The following CDH26 variants were observed in gnomAD, a reference collection of about 807,000 sequenced individuals.
CDH26 encodes cadherin-like protein 26.
In CDH26, 83 loss-of-function variants were observed where a neutral mutation model predicts 90.3. The observed-to-expected ratio is 0.92, with a 90% confidence interval of 0.77 to 1.10. CDH26 has a LOEUF of 1.10. Among genes scored for constraint, CDH26 ranks in the 50% least tolerant of loss-of-function variants. The probability of loss-of-function intolerance (pLI) is 0.00; values close to 1 mark genes in which losing one functional copy is unlikely to be tolerated. For missense variants in CDH26, 1,013 were observed against 1,037.6 expected (o/e 0.98, Z 0.33); for synonymous variants, 397 against 396.3 (o/e 1.00, Z -0.02).
At chr20:59,968,007 CTTTCTTCCTTT>C (rs2061196370) in intron 1 of CDH26, among the ~76,000 whole-genome samples, 4 of 118,838 alleles carry the variant, frequency 3.4e-5, no homozygotes, top group East Asian at 4.7e-4. Flanking sequence ...TTCTTTCTTT[CTTTCTTCCTTT>C]CTCTCTGTCT....
rs776671359 is a variant in CDH26 at position 60,001,412 on chromosome 20, G to A, written c.2166+1G>A. On this transcript the variant is annotated splice_donor_variant, in intron 15 of 17. Coordinates refer to ENST00000348616, the MANE Select transcript of CDH26 (RefSeq NM_177980.4). LOFTEE classifies it high-confidence loss of function. The stretch of plus-strand genomic sequence containing the variant: ...AGCACGCTGTGCTCTGGGGAGCTGG[G>A]TGAGTTCCAGAAGGTTGCTCCCTGC... 5.0e-6 allele frequency: 8 copies of A among 1,613,658 alleles called. No homozygotes were observed. Among genetic ancestry groups the A allele is most frequent in the Non-Finnish European group, 5.9e-6 (7 of 1,179,870 alleles).
chr20:59,985,061 T>A lies in CDH26; in HGVS notation c.769T>A (p.Ser257Thr). 6.2e-7 allele frequency: 1 copy of A among 1,614,094 alleles called. No homozygotes were observed. Among genetic ancestry groups the A allele is most frequent in the Non-Finnish European group, 8.5e-7 (1 of 1,179,998 alleles). Reference sequence around the variant, plus strand: ...GGACTGTGGAGAACCGTCACTGTCATCCACGACCACCGTTCACGTGGATGT... The same window carrying A: ...GGACTGTGGAGAACCGTCACTGTCAACCACGACCACCGTTCACGTGGATGT... The part of the protein sequence containing the change: ...ARDCGEPSLS[S>T]TTTVHVDVQE... Residue 257 changes from serine to threonine, a missense_variant, in exon 7 of 18, where the codon TCC becomes ACC. Transcript: ENST00000348616.
intron 4 of CDH26, among the ~76,000 whole-genome samples, chr20:59,977,302 A>G (rs2061338421): frequency 1.3e-5 from 2 of 152,096 alleles, no homozygotes; most frequent in South Asian, 4.1e-4. Flanking sequence ...ACTGCAGAAC[A>G]GGCCTCTGCC....
chr20:60,034,952 G>C (rs1234785919), downstream of CDH26, among the ~76,000 whole-genome samples: 1 of 152,224 alleles, frequency 6.6e-6, no homozygotes, highest in African/African-American at 2.4e-5. Flanking sequence ...TCCCATCCCA[G>C]ATCTGAGCTC....
At chr20:59,978,440 AT>A (rs1282875709) in intron 4 of CDH26, among the ~76,000 whole-genome samples, 5 of 149,916 alleles carry the variant, frequency 3.3e-5, no homozygotes, top group African/African-American at 1.2e-4. Flanking sequence ...CAATGGGGTG[AT>A]CTCGGCTCAC....
In CDH26 at chr20:60,013,379, A is replaced by C. The variant is rs911951556; in HGVS notation, c.*649A>C. The C allele has an allele frequency of 7.2e-5, 11 of 152,262 alleles. No individual in the cohort carries two copies. Among genetic ancestry groups the C allele is most frequent in the African/African-American group, 2.7e-4 (11 of 41,470 alleles). 9.4% of individuals were successfully genotyped at this position (152,262 alleles called of 1,614,324 possible). A position where few individuals can be genotyped will look rare whatever the true frequency, so the allele number is the denominator to read the frequency against. The stretch of plus-strand genomic sequence containing the variant: ...CTTGTATGTATTATGTAAGTAAAAG[A>C]GTTAGGAGCCTTTGAATGAGTAAGT... On this transcript the variant is annotated 3_prime_UTR_variant, in exon 18 of 18. Coordinates refer to ENST00000348616, the MANE Select transcript of CDH26 (RefSeq NM_177980.4).
chr20:60,018,285 G>A (rs887216783), downstream of CDH26, among the ~76,000 whole-genome samples: 1 of 151,990 alleles, frequency 6.6e-6, no homozygotes, highest in Non-Finnish European at 1.5e-5. Context: ...TAGTGGTTCA[G>A]TGTTGGGTGC....
intron 4 of CDH26, among the ~76,000 whole-genome samples, chr20:59,975,575 T>C (rs2145978114): frequency 6.6e-6 from 1 of 152,242 alleles, no homozygotes; most frequent in African/African-American, 2.4e-5. Flanking sequence ...TAGGAGCATA[T>C]GAAATGGTCC....
At chr20:59,967,815 TTC>T (rs71183190) in intron 1 of CDH26, among the ~76,000 whole-genome samples, 489 of 19,840 alleles carry the variant, frequency 0.025, 1 homozygote, top group Non-Finnish European at 0.035. Context: ...CCTCCCTCAT[TTC>T]TTTCTTTCTT....
chr20:60,001,537 A>C (rs906174740), intron 15 of CDH26, 126 bp downstream of exon 15: 1 of 1,433,962 alleles, frequency 7.0e-7, no homozygotes, highest in Non-Finnish European at 9.1e-7. Context: ...AGTCAATGAA[A>C]ATCTGAGAAG....
rs780401549 is a variant in CDH26 at position 59,995,900 on chromosome 20, T to G, written c.1734T>G (p.Ile578Met). 1.2e-6 allele frequency: 2 copies of G among 1,614,248 alleles called. No homozygotes were observed. Among genetic ancestry groups the G allele is most frequent in the Non-Finnish European group, 1.7e-6 (2 of 1,180,036 alleles). The part of the protein sequence containing the change: ...PRGNYLVPLF[I>M]GDKQGLSQKQ... ...GTAATTACTTGGTGCCACTCTTCAT[T>G]GGAGACAAACAGGGACTTTCCCAGA... Residue 578 changes from isoleucine to methionine, a missense_variant, in exon 12 of 18, where the codon ATT becomes ATG. Ile to Met is a conservative substitution (Grantham distance 10). Coordinates refer to ENST00000348616, the MANE Select transcript of CDH26 (RefSeq NM_177980.4).
intron 7 of CDH26, among the ~76,000 whole-genome samples, chr20:60,029,351 C>CCTATAGTCAACAACATAGCAT (rs1569072214): frequency 1.1e-4 from 3 of 27,840 alleles, no homozygotes; most frequent in Non-Finnish European, 2.3e-4. Context: ...CAACGTAGCA[C>CCTATAGTCAACAACATAGCAT]CTATAGTCAA....
intron 4 of CDH26, among the ~76,000 whole-genome samples, chr20:59,979,039 T>G (rs530899590): frequency 3.9e-5 from 6 of 152,242 alleles, no homozygotes; most frequent in Admixed American, 1.3e-4. Context: ...TGGAAACCAC[T>G]CATTTCTTCT....
downstream of CDH26, among the ~76,000 whole-genome samples, chr20:60,019,429 A>C (rs1322718021): frequency 2.0e-5 from 3 of 152,116 alleles, no homozygotes; most frequent in Non-Finnish European, 4.4e-5. Context: ...ATTTCAAAAG[A>C]CTTGTCTTCA....
chr20:59,964,140 G>C (rs974782987), intron 1 of CDH26, among the ~76,000 whole-genome samples: 7 of 152,188 alleles, frequency 4.6e-5, no homozygotes, highest in African/African-American at 1.7e-4. Flanking sequence ...ATTTAAAAAT[G>C]AAATACTTCC....
At chr20:60,004,772 A>C (rs1462127293) in intron 16 of CDH26, among the ~76,000 whole-genome samples, 1 of 151,200 alleles carries the variant, frequency 6.6e-6, no homozygotes, top group East Asian at 1.9e-4. Context: ...TCTCAAAAAA[A>C]AAAAAAAAAA....
chr20:59,987,788 A>G (rs2061478000), intron 8 of CDH26, 150 bp downstream of exon 8: 3 of 582,180 alleles, frequency 5.2e-6, no homozygotes, highest in African/African-American at 3.9e-5. Context: ...CAAGGAAGGC[A>G]GGGTCTCAGT....
At chr20:59,998,410 G>A (rs559675573) in intron 13 of CDH26, among the ~76,000 whole-genome samples, 1 of 152,280 alleles carries the variant, frequency 6.6e-6, no homozygotes, top group South Asian at 2.1e-4. Context: ...TGGAAAAGAG[G>A]AAGCAGCTAT....
intron 14 of CDH26, 101 bp from the exon 15 acceptor site, chr20:60,001,242 A>G (rs1159412348): frequency 9.2e-6 from 13 of 1,406,302 alleles, no homozygotes; most frequent in Non-Finnish European, 1.3e-5. Context: ...GCCTATGAAT[A>G]TATGAGCAAG....
Sources: allele counts gnomAD v4.1 joint callset (sites outside exome capture counted in the v4.1 genomes callset), GRCh38; gene constraint gnomAD v4.1.1; transcripts MANE v1.5; gene names NCBI Gene and HGNC (gene_info 2026-07-23, HGNC 2026-07-21).